Variants in CNTN4 observed in about 807,000 individuals in gnomAD.
CNTN4 encodes contactin 4, also known as contactin-4.
CNTN4 carries 77 observed loss-of-function variants against 122.5 expected under a neutral mutation model. The observed-to-expected ratio is 0.63, with a 90% CI of 0.52 to 0.76. The LOEUF is 0.76. Among genes scored for constraint, CNTN4 ranks in the 30% least tolerant of loss-of-function variants. The pLI is 0.00. For missense variants in CNTN4, 1,256 were observed against 1,259.1 expected, an observed-to-expected ratio of 1.00 and a Z score of 0.04; for synonymous variants, 512 against 447.0, an observed-to-expected ratio of 1.15 and a Z score of -1.83.
chr3:2,761,349 A>G (rs2090580361), intron 6 of CNTN4, among the ~76,000 whole-genome samples: 1 of 152,124 alleles, frequency 6.6e-6, no homozygotes, highest in South Asian at 2.1e-4. Flanking sequence ...TCATCTATTG[A>G]ATGGACATAA....
intron 2 of CNTN4, among the ~76,000 whole-genome samples, chr3:2,290,530 C>T (rs931390427): frequency 7.2e-5 from 11 of 152,134 alleles, no homozygotes; most frequent in Admixed American, 3.3e-4. Flanking sequence ...GAGAGAAAGA[C>T]GATACGTGAG....
At chr3:2,689,469 G>A (rs2085610849) in intron 4 of CNTN4, among the ~76,000 whole-genome samples, 2 of 152,082 alleles carry the variant, frequency 1.3e-5, no homozygotes, top group South Asian at 4.1e-4. Context: ...TTTCCTCCCA[G>A]TCCAGAGGAA....
At chr3:2,481,067 TTC>T (rs1213780981) in intron 3 of CNTN4, among the ~76,000 whole-genome samples, 6 of 144,122 alleles carry the variant, frequency 4.2e-5, no homozygotes, top group Admixed American at 6.9e-5. Context: ...CTTTCTCTCT[TTC>T]TCTCTTTCTC....
intron 13 of CNTN4, among the ~76,000 whole-genome samples, chr3:2,958,921 AT>A: frequency 6.6e-6 from 1 of 152,210 alleles, no homozygotes; most frequent in Admixed American, 6.5e-5. Flanking sequence ...ATAGCATTCC[AT>A]TGGCTAGTTG....
At chr3:2,157,630 G>C (rs1295945231) in intron 2 of CNTN4, among the ~76,000 whole-genome samples, 1 of 152,142 alleles carries the variant, frequency 6.6e-6, no homozygotes, top group Non-Finnish European at 1.5e-5. Flanking sequence ...CTACAAAAAT[G>C]TGCTTTTGTG....
At chr3:2,285,162 T>C (rs1246027989) in intron 2 of CNTN4, among the ~76,000 whole-genome samples, 3 of 152,034 alleles carry the variant, frequency 2.0e-5, no homozygotes, top group Non-Finnish European at 2.9e-5. Context: ...GTCAAACATG[T>C]AGAGATTGGA....
At chr3:2,753,693 T>G (rs1034393268) in intron 6 of CNTN4, among the ~76,000 whole-genome samples, 1 of 152,226 alleles carries the variant, frequency 6.6e-6, no homozygotes, top group Non-Finnish European at 1.5e-5. Context: ...TTTGGGTGGT[T>G]GGTGAAATGT....
intron 14 of CNTN4, among the ~76,000 whole-genome samples, chr3:2,992,017 A>G (rs542486513): frequency 1.3e-5 from 2 of 152,268 alleles, no homozygotes; most frequent in African/African-American, 4.8e-5. Flanking sequence ...CCATGCTTTC[A>G]AAATCCAATT....
At chr3:2,197,065 AAAAAAG>A (rs1260711372) in intron 2 of CNTN4, among the ~76,000 whole-genome samples, 4 of 144,644 alleles carry the variant, frequency 2.8e-5, no homozygotes, top group African/African-American at 1.1e-4. Flanking sequence ...AAAAAAAAAA[AAAAAAG>A]AAGAAGAAGA....
intron 3 of CNTN4, among the ~76,000 whole-genome samples, chr3:2,390,110 G>A (rs915331453): frequency 2.6e-5 from 4 of 151,794 alleles, no homozygotes; most frequent in African/African-American, 9.7e-5. Flanking sequence ...TTTTACTGTG[G>A]TTATTGAAGA....
chr3:2,521,343 T>TCGGGCCCCCCCC, intron 3 of CNTN4, among the ~76,000 whole-genome samples: 1 of 128,368 alleles, frequency 7.8e-6, no homozygotes, highest in African/African-American at 3.1e-5. Flanking sequence ...CCTCTACCCA[T>TCGGGCCCCCCCC]CCCCCCCACC....
rs1577206963 is a variant in CNTN4 at position 2,900,776 on chromosome 3, G to A, written c.1032G>A (p.Lys344=). The A allele has an allele frequency of 3.1e-6, 5 of 1,613,968 alleles. No individual in the cohort carries two copies. Among genetic ancestry groups the A allele is most frequent in the South Asian group, 1.1e-5 (1 of 91,088 alleles). ...AATGTAAAGCAAATGGAAGGCCTAA[G>A]CCTACATACAAGTGGCTAAAAAATG... is the stretch of plus-strand genomic sequence containing the variant. ...FWECKANGRP[K]PTYKWLKNGE... is the part of the protein sequence containing the mutation. Residue 344 remains lysine (K), a synonymous_variant, in exon 11 of 25, where the codon AAG becomes AAA. Coordinates refer to ENST00000418658, the MANE Select transcript of CNTN4 (RefSeq NM_175607.3).
intron 2 of CNTN4, among the ~76,000 whole-genome samples, chr3:2,192,737 T>C (rs927618771): frequency 6.6e-6 from 1 of 152,200 alleles, no homozygotes; most frequent in African/African-American, 2.4e-5. Flanking sequence ...GCTACACTCA[T>C]GTTTACTTGC....
At chr3:2,878,955 G>A (rs760885428) in intron 8 of CNTN4, among the ~76,000 whole-genome samples, 1 of 152,148 alleles carries the variant, frequency 6.6e-6, no homozygotes, top group East Asian at 1.9e-4. Context: ...GGTCATGGAA[G>A]CATTATTGGT....
chr3:2,571,507 A>C lies in CNTN4; in HGVS notation c.4A>C (p.Arg2=). The change falls in exon 4 of 25, where the codon AGG becomes CGG. Residue 2 remains arginine (R), a synonymous_variant. Coordinates refer to ENST00000418658, the MANE Select transcript of CNTN4 (RefSeq NM_175607.3). M[R]LPWELLVLQS... is the part of the protein sequence containing the mutation. ...CCTTTGACCTCGGAAACTGAAGATG[A>C]GGTTGCCATGGGAACTGCTGGTACT... The C allele has an allele frequency of 1.9e-6, 3 of 1,612,840 alleles. No homozygotes were observed. Among genetic ancestry groups the C allele is most frequent in the Non-Finnish European group, 1.7e-6 (2 of 1,178,808 alleles).
intron 24 of CNTN4, among the ~76,000 whole-genome samples, chr3:3,054,737 T>C (rs929615450): frequency 6.6e-6 from 1 of 152,210 alleles, no homozygotes; most frequent in East Asian, 1.9e-4. Flanking sequence ...TCATTTGGGG[T>C]GACACAAAAG....
intron 3 of CNTN4, among the ~76,000 whole-genome samples, chr3:2,549,268 G>C (rs973189569): frequency 6.6e-6 from 1 of 152,098 alleles, no homozygotes; most frequent in East Asian, 1.9e-4. Context: ...AGGCATCCTT[G>C]TCTTGTGCTG....
chr3:2,361,299 T>C (rs2045125793), intron 3 of CNTN4, among the ~76,000 whole-genome samples: 1 of 152,220 alleles, frequency 6.6e-6, no homozygotes, highest in African/African-American at 2.4e-5. Flanking sequence ...ACTCAGTGCT[T>C]TTCAACCAGG....
chr3:2,151,914 A>T (rs903556366), intron 2 of CNTN4, among the ~76,000 whole-genome samples: 1 of 152,200 alleles, frequency 6.6e-6, no homozygotes, highest in Non-Finnish European at 1.5e-5. Flanking sequence ...TCTTTTCTTT[A>T]TGAATTACCC....
Sources: allele counts gnomAD v4.1 joint callset (sites outside exome capture counted in the v4.1 genomes callset), GRCh38; gene constraint gnomAD v4.1.1; transcripts MANE v1.5; gene names NCBI Gene and HGNC (gene_info 2026-07-23, HGNC 2026-07-21).